The following NREP variants were observed in gnomAD, a reference collection of about 807,000 sequenced individuals.
The protein encoded by NREP is neuronal regeneration related protein, also known as neuronal regeneration-related protein.
Under a neutral mutation model 8.6 loss-of-function variants are expected in NREP, and 5 were observed. The observed-to-expected ratio is 0.58, with a 90% CI of 0.30 to 1.22. NREP has a LOEUF of 1.22. Among genes scored for constraint, NREP ranks in the 50% most tolerant of loss-of-function variants. The pLI, the probability that NREP is intolerant of heterozygous loss-of-function variation, is 0.07. For missense variants in NREP, 86 were observed against 82.5 expected (o/e 1.04, Z -0.17); for synonymous variants, 27 against 28.0 (o/e 0.96, Z 0.11).
chr5:111,892,963 A>G (rs900183379), intron 2 of NREP, among the ~76,000 whole-genome samples: 2 of 152,236 alleles, frequency 1.3e-5, no homozygotes, highest in Admixed American at 1.3e-4. Flanking sequence ...ATTAAACTAG[A>G]GAAAATCTAA....
At chr5:111,804,301 G>T (rs1417872547) in intron 2 of NREP, among the ~76,000 whole-genome samples, 2 of 152,122 alleles carry the variant, frequency 1.3e-5, no homozygotes, top group Non-Finnish European at 2.9e-5. Context: ...TTAAATAAAC[G>T]ATTTGGAATA....
chr5:111,844,367 A>AT (rs1004227893), intron 2 of NREP, among the ~76,000 whole-genome samples: 9 of 151,862 alleles, frequency 5.9e-5, no homozygotes, highest in Admixed American at 5.3e-4. Flanking sequence ...AGTGTTCAAA[A>AT]TTTTAGTTCC....
upstream of NREP, chr5:111,758,038 C>T (rs894680409): frequency 1.0e-6 from 1 of 985,354 alleles, no homozygotes; most frequent in African/African-American, 1.7e-5. Flanking sequence ...GAAAATGGTG[C>T]CTGCGGCGGC....
intron 2 of NREP, among the ~76,000 whole-genome samples, chr5:111,908,893 T>G (rs1208393938): frequency 6.6e-6 from 1 of 152,020 alleles, no homozygotes; most frequent in African/African-American, 2.4e-5. Flanking sequence ...CATCCGTTGT[T>G]TTTCTAACTT....
chr5:111,957,860 A>T (rs1229806829), intron 2 of NREP, among the ~76,000 whole-genome samples: 1 of 152,012 alleles, frequency 6.6e-6, no homozygotes, highest in Non-Finnish European at 1.5e-5. Context: ...AAAAGTCACA[A>T]GAAAAGCATT....
At chr5:111,791,646 T>A (rs1751750189) in intron 2 of NREP, among the ~76,000 whole-genome samples, 1 of 152,162 alleles carries the variant, frequency 6.6e-6, no homozygotes, top group East Asian at 1.9e-4. Flanking sequence ...CCCACCTGGC[T>A]AATTTTTGTA....
intron 2 of NREP, among the ~76,000 whole-genome samples, chr5:111,823,238 A>G (rs1410838212): frequency 6.6e-6 from 1 of 152,198 alleles, no homozygotes; most frequent in Middle Eastern, 3.2e-3. Context: ...GAAGACATTA[A>G]TCTATTCATG....
chr5:111,750,658 G>T (rs1180965687), intron 2 of NREP, among the ~76,000 whole-genome samples: 1 of 152,134 alleles, frequency 6.6e-6, no homozygotes, highest in East Asian at 1.9e-4. Context: ...GTTTTACATT[G>T]TTAAGTTTGC....
chr5:111,886,148 A>G (rs1439191177), intron 2 of NREP, among the ~76,000 whole-genome samples: 2 of 152,290 alleles, frequency 1.3e-5, no homozygotes, highest in South Asian at 2.1e-4. Flanking sequence ...AACCCCATCA[A>G]AAAGTGGGCA....
chr5:111,973,865 T>A (rs1042264014), intron 2 of NREP, among the ~76,000 whole-genome samples: 2 of 152,230 alleles, frequency 1.3e-5, no homozygotes, highest in African/African-American at 4.8e-5. Context: ...AACTTCTTTT[T>A]CTGTCCAAGT....
chr5:111,875,968 C>T (rs562945609), intron 2 of NREP, among the ~76,000 whole-genome samples: 51 of 152,240 alleles, frequency 3.3e-4, no homozygotes, highest in African/African-American at 1.0e-3. Context: ...GGTGGGGAGG[C>T]GGTGTCTGAT....
intron 2 of NREP, among the ~76,000 whole-genome samples, chr5:111,861,437 T>C (rs556386458): frequency 6.6e-6 from 1 of 152,142 alleles, no homozygotes; most frequent in Non-Finnish European, 1.5e-5. Context: ...ACATCATGTT[T>C]TCAGGAAAGT....
chr5:111,786,412 T>G (rs1459045207), intron 2 of NREP, among the ~76,000 whole-genome samples: 1 of 152,200 alleles, frequency 6.6e-6, no homozygotes, highest in African/African-American at 2.4e-5. Flanking sequence ...GTTCTTATAT[T>G]AGTTAAAATA....
At chr5:111,827,156 G>C (rs1056755731) in intron 2 of NREP, among the ~76,000 whole-genome samples, 19 of 152,152 alleles carry the variant, frequency 1.2e-4, no homozygotes, top group Admixed American at 3.9e-4. Flanking sequence ...TGTTGAGATT[G>C]ATCAGTGATG....
chr5:111,952,544 A>T (rs1756190224), intron 2 of NREP, among the ~76,000 whole-genome samples: 1 of 152,140 alleles, frequency 6.6e-6, no homozygotes, highest in African/African-American at 2.4e-5. Flanking sequence ...AACTTTGACA[A>T]GTAAATGAGG....
chr5:111,808,011 A>G (rs995741961), intron 2 of NREP, among the ~76,000 whole-genome samples: 1 of 152,248 alleles, frequency 6.6e-6, no homozygotes, highest in African/African-American at 2.4e-5. Context: ...GGGGAAGCAC[A>G]GAAATGACTT....
chr5:111,795,886 A>G (rs1440087559), intron 2 of NREP, among the ~76,000 whole-genome samples: 1 of 152,240 alleles, frequency 6.6e-6, no homozygotes, highest in South Asian at 2.1e-4. Context: ...ATGTGCTTTC[A>G]TTATTCCCAT....
chr5:111,800,145 A>G (rs1036451348), intron 2 of NREP, among the ~76,000 whole-genome samples: 17 of 150,196 alleles, frequency 1.1e-4, no homozygotes, highest in South Asian at 2.1e-4. Context: ...GGCCAGGCTG[A>G]TCTCAAACTC....
At chr5:111,896,116 T>TGGCAGG (rs1005648316) in intron 2 of NREP, among the ~76,000 whole-genome samples, 1 of 152,172 alleles carries the variant, frequency 6.6e-6, no homozygotes, top group Non-Finnish European at 1.5e-5. Flanking sequence ...ATAGATTTCA[T>TGGCAGG]GGCAGGGGCA....
Sources: gnomAD v4.1 joint callset for allele counts (sites outside exome capture counted in the v4.1 genomes callset) on GRCh38, gnomAD v4.1.1 for gene constraint, MANE v1.5 for transcripts, NCBI Gene and HGNC (gene_info 2026-07-23, HGNC 2026-07-21) for gene names.